Variants in PLCB1 observed in about 807,000 individuals in gnomAD.
The protein encoded by PLCB1 is phospholipase C beta 1.
PLCB1 carries 46 observed loss-of-function variants against 161.8 expected under a neutral mutation model. The ratio of observed to expected loss-of-function variants is 0.28; its 90% CI spans 0.22 to 0.36. The LOEUF (loss-of-function observed/expected upper bound fraction) is 0.36, where lower values mean the gene tolerates loss of function less well. PLCB1 is among the 10% of genes least tolerant of loss of function. The probability of loss-of-function intolerance (pLI) is 1.00; values close to 1 mark genes in which losing one functional copy is unlikely to be tolerated. For missense variants in PLCB1, 1,016 were observed against 1,472.5 expected (o/e 0.69, Z 5.07); for synonymous variants, 517 against 503.7 (o/e 1.03, Z -0.35).
intron 3 of PLCB1, among the ~76,000 whole-genome samples, chr20:8,520,725 CT>C (rs1984315276): frequency 6.6e-6 from 1 of 152,146 alleles, no homozygotes; most frequent in Non-Finnish European, 1.5e-5. Context: ...ACTTTTATTT[CT>C]TTTCAACTTC....
intron 2 of PLCB1, among the ~76,000 whole-genome samples, chr20:8,161,986 C>G (rs1202796405): frequency 6.6e-6 from 1 of 152,108 alleles, no homozygotes; most frequent in African/African-American, 2.4e-5. Flanking sequence ...CTACCAGATT[C>G]TGAATTATTT....
In PLCB1 at chr20:8,628,380, C is replaced by T. The variant is rs541025622; in HGVS notation, c.333C>T (p.Leu111=). ...RMITVVYGPD[L]VNISHLNLVA... is the part of the protein sequence containing the mutation. Reference sequence around the variant, plus strand: ...TCACAGTGGTGTATGGGCCTGACCTCGTGAACATCTCCCATTTGAATCTCG... The same window carrying T: ...TCACAGTGGTGTATGGGCCTGACCTTGTGAACATCTCCCATTTGAATCTCG... The change falls in exon 4 of 32, where the codon CTC becomes CTT. Residue 111 remains leucine, a synonymous_variant. Transcript: ENST00000338037. 1.2e-5 allele frequency: 19 copies of T among 1,614,070 alleles called. No homozygotes were observed. Among genetic ancestry groups the T allele is most frequent in the East Asian group, 2.2e-5 (1 of 44,850 alleles).
intron 1 of PLCB1, among the ~76,000 whole-genome samples, chr20:8,147,546 T>C (rs2051465839): frequency 6.6e-6 from 1 of 152,186 alleles, no homozygotes; most frequent in Non-Finnish European, 1.5e-5. Context: ...ATATAGATAC[T>C]AGCAGCTATG....
intron 2 of PLCB1, among the ~76,000 whole-genome samples, chr20:8,324,522 A>G (rs970805882): frequency 6.6e-6 from 1 of 152,188 alleles, no homozygotes; most frequent in Non-Finnish European, 1.5e-5. Context: ...AATGAATGAG[A>G]TCTTACAAAC....
chr20:8,291,603 A>G (rs2123302971), intron 2 of PLCB1, among the ~76,000 whole-genome samples: 1 of 152,320 alleles, frequency 6.6e-6, no homozygotes, highest in East Asian at 1.9e-4. Context: ...GGAAATGTAC[A>G]TTCAACTTCT....
chr20:8,712,042 C>T (rs1568569656), intron 12 of PLCB1, among the ~76,000 whole-genome samples: 1 of 152,156 alleles, frequency 6.6e-6, no homozygotes. Context: ...GTGGCTCACG[C>T]CTGTAATCCC....
At chr20:8,324,728 T>C (rs1600315720) in intron 2 of PLCB1, among the ~76,000 whole-genome samples, 1 of 152,222 alleles carries the variant, frequency 6.6e-6, no homozygotes, top group Admixed American at 6.5e-5. Context: ...GGGCATTTTC[T>C]CATTGGCTTT....
In PLCB1 at chr20:8,717,805, C is replaced by T. The variant is rs13042803; in HGVS notation, c.1470C>T (p.Tyr490=). 11 of 1,613,856 alleles carry T rather than the reference C, an allele frequency of 6.8e-6. No homozygotes were observed. The Admixed American group carries it at 1.8e-4, about 27-fold the overall frequency. The part of the protein sequence containing the change: ...KKLSEQASNT[Y]SDSSSMFEPS... ...TCTCAGAACAAGCCTCCAACACCTA[C>T]AGTGACTCCTCCAGCATGTTCGAGC... The change falls in exon 14 of 32, where the codon TAC becomes TAT. Residue 490 remains tyrosine (Y), a synonymous_variant. Transcript: ENST00000338037.
intron 27 of PLCB1, 42 bp from the exon 28 acceptor site, chr20:8,788,407 T>G: frequency 6.3e-7 from 1 of 1,580,962 alleles, no homozygotes; most frequent in Admixed American, 1.7e-5. Flanking sequence ...AAGCTCTGTT[T>G]GCAATCATTT....
chr20:8,678,002 A>C (rs1990128548), intron 9 of PLCB1, among the ~76,000 whole-genome samples: 1 of 152,248 alleles, frequency 6.6e-6, no homozygotes. Flanking sequence ...TGGAGCAGAT[A>C]AAAGGCTCCA....
intron 31 of PLCB1, among the ~76,000 whole-genome samples, chr20:8,838,400 C>G (rs142248946): frequency 6.6e-6 from 1 of 152,188 alleles, no homozygotes. Context: ...GTCCACCAGG[C>G]AGAGTAGGGC....
chr20:8,289,652 T>C (rs1983291392), intron 2 of PLCB1, among the ~76,000 whole-genome samples: 1 of 152,122 alleles, frequency 6.6e-6, no homozygotes, highest in Admixed American at 6.6e-5. Flanking sequence ...TATTGAAAGA[T>C]GAAGTTATAA....
chr20:8,809,213 C>T (rs561299335), intron 31 of PLCB1, among the ~76,000 whole-genome samples: 1 of 152,098 alleles, frequency 6.6e-6, no homozygotes, highest in South Asian at 2.1e-4. Flanking sequence ...TGCCATGTTG[C>T]CCAGGCTGAT....
chr20:8,324,211 TG>T (rs1985047946), intron 2 of PLCB1, among the ~76,000 whole-genome samples: 4 of 82,506 alleles, frequency 4.8e-5, no homozygotes, highest in Non-Finnish European at 9.9e-5. Context: ...TGTGTGTGTG[TG>T]TGTGTGTGTG....
intron 2 of PLCB1, among the ~76,000 whole-genome samples, chr20:8,316,641 T>C (rs967065244): frequency 1.1e-4 from 16 of 152,100 alleles, no homozygotes; most frequent in African/African-American, 2.9e-4. Flanking sequence ...CTCTAATAAA[T>C]GCCTATATAC....
intron 2 of PLCB1, among the ~76,000 whole-genome samples, chr20:8,306,813 T>C (rs902297623): frequency 7.9e-5 from 12 of 152,218 alleles, no homozygotes; most frequent in African/African-American, 2.9e-4. Context: ...CGGTGACTCT[T>C]TAAAAGCTAA....
At chr20:8,335,739 A>G (rs879514459) in intron 2 of PLCB1, among the ~76,000 whole-genome samples, 62 of 152,390 alleles carry the variant, frequency 4.1e-4, no homozygotes, top group African/African-American at 1.1e-3. Flanking sequence ...CAAGGCAAAT[A>G]CAGAGCTCTT....
In PLCB1 at chr20:8,807,683, G is replaced by T. The variant is rs966728597; in HGVS notation, c.3423+17422G>T. ...TTTTCCCCCCTTCAAGTTGATTATA[G>T]TATAGTGCTATCCAATAGAATTTTC... is the stretch of plus-strand genomic sequence containing the variant. On this transcript the variant is annotated intron_variant, in intron 31 of 31. Coordinates refer to ENST00000338037, the MANE Select transcript of PLCB1 (RefSeq NM_015192.4). Among the ~76,000 whole-genome samples, 4 of 151,718 alleles carry T rather than the reference G, an allele frequency of 2.6e-5. No homozygotes were observed. The South Asian group carries it at 6.3e-4, about 24-fold the overall frequency.
intron 23 of PLCB1, among the ~76,000 whole-genome samples, chr20:8,743,474 C>G (rs754823023): frequency 4.6e-5 from 7 of 152,086 alleles, no homozygotes; most frequent in Non-Finnish European, 1.0e-4. Context: ...AATTCATGCT[C>G]CAGAGCACCC....
Sources: gnomAD v4.1 joint callset for allele counts (sites outside exome capture counted in the v4.1 genomes callset) on GRCh38, gnomAD v4.1.1 for gene constraint, MANE v1.5 for transcripts, NCBI Gene and HGNC (gene_info 2026-07-23, HGNC 2026-07-21) for gene names.